The following ZNF148 variants were observed in gnomAD, a reference collection of about 807,000 sequenced individuals.
The protein encoded by ZNF148 is Beta-Enolase Repressor Factor-1.
A neutral mutation model predicts 67.7 loss-of-function variants in ZNF148; 7 were observed. That is an observed-to-expected ratio of 0.10 (90% confidence interval 0.06 to 0.19). The LOEUF (loss-of-function observed/expected upper bound fraction) is 0.19. Among genes scored for constraint, ZNF148 ranks in the 10% least tolerant of loss-of-function variants. The probability of loss-of-function intolerance (pLI) is 1.00; values close to 1 mark genes in which losing one functional copy is unlikely to be tolerated. For missense variants in ZNF148, 583 were observed against 947.1 expected (o/e 0.62, Z 5.05); for synonymous variants, 333 against 330.7 (o/e 1.01, Z -0.08).
intron 1 of ZNF148, among the ~76,000 whole-genome samples, chr3:125,347,988 C>T (rs932441656): frequency 6.6e-6 from 1 of 152,130 alleles, no homozygotes; most frequent in Non-Finnish European, 1.5e-5. Flanking sequence ...GATTAAAGAC[C>T]TGGCTCAGTG....
intron 3 of ZNF148, among the ~76,000 whole-genome samples, chr3:125,314,690 A>AAT (rs1302363574): frequency 6.6e-6 from 1 of 152,216 alleles, no homozygotes; most frequent in Non-Finnish European, 1.5e-5. Flanking sequence ...ATCAACCTAG[A>AAT]ATATATACAG....
chr3:125,256,887 T>C (rs1349331663), intron 7 of ZNF148, among the ~76,000 whole-genome samples: 1 of 152,166 alleles, frequency 6.6e-6, no homozygotes, highest in African/African-American at 2.4e-5. Context: ...ATCTTCTCTT[T>C]TGTTGTCTCT....
chr3:125,355,109 T>C (rs1559778878), intron 1 of ZNF148, among the ~76,000 whole-genome samples: 1 of 152,214 alleles, frequency 6.6e-6, no homozygotes, highest in Non-Finnish European at 1.5e-5. Flanking sequence ...TACTTGTTAA[T>C]CTTCCAGCTC....
At chr3:125,353,988 T>A (rs1313468199) in intron 1 of ZNF148, among the ~76,000 whole-genome samples, 1 of 152,172 alleles carries the variant, frequency 6.6e-6, no homozygotes, top group African/African-American at 2.4e-5. Context: ...TTAATTGCTA[T>A]ATGAGAGTTC....
intron 4 of ZNF148, among the ~76,000 whole-genome samples, chr3:125,298,025 C>G (rs527679124): frequency 6.6e-6 from 1 of 152,088 alleles, no homozygotes; most frequent in East Asian, 1.9e-4. Flanking sequence ...CATGCAATAA[C>G]ATGGGTATAT....
At chr3:125,281,722 T>C (rs544262504) in intron 5 of ZNF148, among the ~76,000 whole-genome samples, 2 of 152,346 alleles carry the variant, frequency 1.3e-5, no homozygotes, top group Admixed American at 6.5e-5. Context: ...GTGAATTTTA[T>C]GGATGAAACA....
At chr3:125,365,837 A>G (rs1231735739) in intron 1 of ZNF148, among the ~76,000 whole-genome samples, 1 of 152,186 alleles carries the variant, frequency 6.6e-6, no homozygotes, top group Non-Finnish European at 1.5e-5. Flanking sequence ...ATTCAATAAT[A>G]AATAAATAAA....
In ZNF148 at chr3:125,232,058, C is replaced by G; in HGVS notation, c.*283G>C. ...AGTTAGGAAACAATTGTGCGAAAGT[C>G]TTTTTTTTTTCCTTTTTAACTTGGT... is the stretch of plus-strand genomic sequence containing the variant. On this transcript the variant is annotated 3_prime_UTR_variant, in exon 9 of 9. Coordinates refer to ENST00000360647, the MANE Select transcript of ZNF148 (RefSeq NM_021964.3). The surrounding 1 kb of genome is among the most constrained non-coding windows in gnomAD (Gnocchi z 4.2). The G allele has an allele frequency of 7.0e-6, 2 of 286,162 alleles. No individual in the cohort carries two copies. The highest frequency in any genetic ancestry group is 1.3e-5 in the Non-Finnish European group (2 of 154,022). The allele number at this position is 286,162 out of a possible 1,614,324, so 17.7% of individuals were successfully genotyped here. A position where few individuals can be genotyped will look rare whatever the true frequency, so the allele number is the denominator to read the frequency against.
At chr3:125,237,156 A>G (rs1385196434) in intron 7 of ZNF148, among the ~76,000 whole-genome samples, 2 of 152,206 alleles carry the variant, frequency 1.3e-5, no homozygotes, top group Non-Finnish European at 2.9e-5. Context: ...GAAACTGATT[A>G]TCAATACTGA....
chr3:125,291,289 T>C (rs1399610036), intron 4 of ZNF148, among the ~76,000 whole-genome samples: 1 of 152,160 alleles, frequency 6.6e-6, no homozygotes, highest in Non-Finnish European at 1.5e-5. Flanking sequence ...TAAAACTATT[T>C]CCTTAACATT....
intron 2 of ZNF148, among the ~76,000 whole-genome samples, chr3:125,328,957 T>C (rs994526922): frequency 6.6e-6 from 1 of 151,430 alleles, no homozygotes; most frequent in South Asian, 2.1e-4. Flanking sequence ...ATGTACATAA[T>C]CTTTGGTCCA....
At chr3:125,316,712 T>C (rs1307086653) in intron 3 of ZNF148, among the ~76,000 whole-genome samples, 3 of 152,210 alleles carry the variant, frequency 2.0e-5, no homozygotes, top group Non-Finnish European at 2.9e-5. Flanking sequence ...TTTTTTCCTA[T>C]AGAGTTGTTT....
intron 4 of ZNF148, among the ~76,000 whole-genome samples, chr3:125,307,397 G>A (rs888323423): frequency 5.9e-5 from 9 of 151,706 alleles, no homozygotes; most frequent in African/African-American, 1.2e-4. Context: ...TCCGCCTCCC[G>A]CATTCACGCC....
At chr3:125,281,285 T>G (rs1938370828) in intron 5 of ZNF148, among the ~76,000 whole-genome samples, 1 of 152,122 alleles carries the variant, frequency 6.6e-6, no homozygotes, top group Admixed American at 6.5e-5. Flanking sequence ...CAGTTTTGAA[T>G]TTTTTCAACC....
At chr3:125,297,762 G>A (rs959996229) in intron 4 of ZNF148, among the ~76,000 whole-genome samples, 16 of 151,958 alleles carry the variant, frequency 1.1e-4, no homozygotes, top group Non-Finnish European at 2.1e-4. Flanking sequence ...AAATAGCAAG[G>A]ATATAGAGCA....
At chr3:125,286,099 C>A (rs1167257219) in intron 5 of ZNF148, among the ~76,000 whole-genome samples, 1 of 152,088 alleles carries the variant, frequency 6.6e-6, no homozygotes, top group African/African-American at 2.4e-5. Context: ...AAGTAACAAC[C>A]AATCACTATC....
intron 7 of ZNF148, among the ~76,000 whole-genome samples, chr3:125,239,775 A>G (rs1045875340): frequency 3.3e-5 from 5 of 152,214 alleles, no homozygotes; most frequent in African/African-American, 7.2e-5. Flanking sequence ...CTCAACCAAT[A>G]AGTGAATGAA....
chr3:125,261,454 G>A (rs1937336962), intron 7 of ZNF148, among the ~76,000 whole-genome samples: 1 of 152,142 alleles, frequency 6.6e-6, no homozygotes, highest in African/African-American at 2.4e-5. Context: ...TAAGTACTAT[G>A]TATGAGAGGG....
chr3:125,369,122 T>C (rs1423478249), intron 1 of ZNF148, among the ~76,000 whole-genome samples: 3 of 149,408 alleles, frequency 2.0e-5, no homozygotes, highest in Non-Finnish European at 3.0e-5. Context: ...ATTAGCTGGG[T>C]GTGCTGGTGT....
Sources: allele counts gnomAD v4.1 joint callset (sites outside exome capture counted in the v4.1 genomes callset), GRCh38; gene constraint gnomAD v4.1.1; non-coding constraint Gnocchi (gnomAD v3.1); transcripts MANE v1.5; gene names NCBI Gene and HGNC (gene_info 2026-07-23, HGNC 2026-07-21).